POT1: variants seen among roughly 807,000 people sequenced by gnomAD.
POT1 encodes the protein protection of telomeres 1.
Under a neutral mutation model 78.5 loss-of-function variants are expected in POT1, and 47 were observed. The observed-to-expected ratio is 0.60, with a 90% CI of 0.47 to 0.76. The LOEUF (loss-of-function observed/expected upper bound fraction) is 0.76, where lower values mean the gene tolerates loss of function less well. Ranked by LOEUF, POT1 falls within the 30% of genes least tolerant of loss-of-function variation. The pLI, the probability that POT1 is intolerant of heterozygous loss-of-function variation, is 0.00. For missense variants in POT1, 646 were observed against 749.9 expected, an observed-to-expected ratio of 0.86 and a Z score of 1.62; for synonymous variants, 259 against 260.7, an observed-to-expected ratio of 0.99 and a Z score of 0.06.
intron 13 of POT1, among the ~76,000 whole-genome samples, 160 bp from the exon 14 acceptor site, chr7:124,841,338 GAACA>G (rs1232812160): frequency 6.6e-6 from 1 of 151,906 alleles, no homozygotes; most frequent in African/African-American, 2.4e-5. Context: ...TCACTTTGCA[GAACA>G]AATAACTTTT....
intron 3 of POT1, among the ~76,000 whole-genome samples, chr7:124,908,075 G>A (rs1050186815): frequency 7.2e-5 from 11 of 151,856 alleles, no homozygotes; most frequent in Admixed American, 6.6e-4. Flanking sequence ...CAAGAAAAGG[G>A]CATTGAAAAT....
At chr7:124,897,311 A>G in intron 4 of POT1, 99 bp from the exon 5 acceptor site, 2 of 411,206 alleles carry the variant, frequency 4.9e-6, no homozygotes, top group Non-Finnish European at 8.8e-6. Context: ...CTTGTAAAAT[A>G]TTCAAATTCA....
chr7:124,846,727 G>T (rs1438387269), intron 12 of POT1, among the ~76,000 whole-genome samples: 1 of 149,178 alleles, frequency 6.7e-6, no homozygotes, highest in Non-Finnish European at 1.5e-5. Flanking sequence ...AGAGATAGAT[G>T]ACTTAAAATA....
chr7:124,852,748 C>T (rs1333724030), intron 10 of POT1, among the ~76,000 whole-genome samples: 1 of 152,014 alleles, frequency 6.6e-6, no homozygotes, highest in East Asian at 1.9e-4. Flanking sequence ...AGTGTAAAAG[C>T]CAGATTCAAA....
At chr7:124,825,079 T>C (rs1794596984) in intron 18 of POT1, among the ~76,000 whole-genome samples, 173 bp downstream of exon 18, 1 of 152,148 alleles carries the variant, frequency 6.6e-6, no homozygotes, top group Non-Finnish European at 1.5e-5. Flanking sequence ...GATTCATAAC[T>C]ATTTTATCCC....
intron 7 of POT1, among the ~76,000 whole-genome samples, chr7:124,865,611 T>C (rs1176475711): frequency 6.6e-6 from 1 of 151,924 alleles, no homozygotes; most frequent in Non-Finnish European, 1.5e-5. Context: ...TCCACTTCTC[T>C]GATGAAATTT....
intron 3 of POT1, among the ~76,000 whole-genome samples, chr7:124,914,826 T>C (rs759243188): frequency 2.6e-5 from 4 of 152,276 alleles, no homozygotes; most frequent in Non-Finnish European, 5.9e-5. Flanking sequence ...TTTATATCCA[T>C]AGGGGGCTCC....
At chr7:124,929,636 A>G (rs1178035509) in intron 1 of POT1, 158 bp downstream of exon 1, 1 of 152,144 alleles carries the variant, frequency 6.6e-6, no homozygotes, top group African/African-American at 2.4e-5. Context: ...AAACACCAAG[A>G]AAGATGCTGA....
At chr7:124,910,941 CCT>C (rs964103621) in intron 3 of POT1, among the ~76,000 whole-genome samples, 32 of 152,102 alleles carry the variant, frequency 2.1e-4, no homozygotes, top group African/African-American at 6.5e-4. Flanking sequence ...TGTACACACA[CCT>C]CTCTCAGAGC....
chr7:124,825,766 T>C (rs1050795263), intron 17 of POT1, among the ~76,000 whole-genome samples: 1 of 152,228 alleles, frequency 6.6e-6, no homozygotes, highest in Non-Finnish European at 1.5e-5. Context: ...GAAGGAATTT[T>C]GTTTACTTTG....
At chr7:124,862,007 C>T (rs1161409065) in intron 8 of POT1, among the ~76,000 whole-genome samples, 1 of 152,098 alleles carries the variant, frequency 6.6e-6, no homozygotes, top group Non-Finnish European at 1.5e-5. Context: ...GTTACTGTAG[C>T]CTTGTAGTAC....
At chr7:124,891,530 A>G (rs1395014269) in intron 6 of POT1, among the ~76,000 whole-genome samples, 1 of 151,466 alleles carries the variant, frequency 6.6e-6, no homozygotes, top group Non-Finnish European at 1.5e-5. Context: ...GTTATTCATT[A>G]GGAAGGTCTT....
At chr7:124,874,778 CA>C (rs1452746963) in intron 6 of POT1, among the ~76,000 whole-genome samples, 1 of 135,492 alleles carries the variant, frequency 7.4e-6, no homozygotes, top group African/African-American at 2.7e-5. Context: ...GTTAGGAAGA[CA>C]AAGGAGAGAA....
At chr7:124,841,279 T>C (rs534062988) in intron 13 of POT1, 101 bp from the exon 14 acceptor site, 6 of 834,968 alleles carry the variant, frequency 7.2e-6, no homozygotes, top group African/African-American at 6.8e-5. Context: ...TTCTTACATG[T>C]AGATGAGTCA....
At chr7:124,831,819 T>C (rs1794764829) in intron 15 of POT1, among the ~76,000 whole-genome samples, 1 of 151,732 alleles carries the variant, frequency 6.6e-6, no homozygotes, top group Non-Finnish European at 1.5e-5. Context: ...TATATAAATT[T>C]AAAAAATGAA....
intron 12 of POT1, among the ~76,000 whole-genome samples, chr7:124,844,999 T>A (rs765434071): frequency 1.3e-5 from 2 of 152,202 alleles, no homozygotes; most frequent in African/African-American, 4.8e-5. Flanking sequence ...TCTCACCACA[T>A]AAATATTATT....
intron 6 of POT1, among the ~76,000 whole-genome samples, chr7:124,890,965 G>GA (rs1035384110): frequency 9.9e-5 from 15 of 151,772 alleles, no homozygotes; most frequent in African/African-American, 3.4e-4. Context: ...GTGCACTTAA[G>GA]AAAAATGTAT....
Position 124,863,320 on chromosome 7 carries a change from TTATAATTCCCAGTATTAAAAAA to T in POT1, c.546+8_546+29del, listed in dbSNP as rs1312829147. 1 of 1,586,022 alleles carries T rather than the reference TTATAATTCCCAGTATTAAAAAA, an allele frequency of 6.3e-7. No individual in the cohort carries two copies. Among genetic ancestry groups the T allele is most frequent in the Non-Finnish European group, 8.6e-7 (1 of 1,166,042 alleles). On this transcript the variant is annotated splice_region_variant and intron_variant, in intron 8 of 18. Coordinates refer to ENST00000357628, the MANE Select transcript of POT1 (RefSeq NM_015450.3). ...TTACAGACATGTAAGTGGTGCTAAC[TTATAATTCCCAGTATTAAAAAA>T]TATGTACCTTTAGAAGAAATGATGC...
At chr7:124,916,439 T>C (rs1797016549) in intron 2 of POT1, among the ~76,000 whole-genome samples, 2 of 152,086 alleles carry the variant, frequency 1.3e-5, no homozygotes, top group African/African-American at 4.8e-5. Flanking sequence ...AATCTGTAAA[T>C]CTCAGAACCT....
Sources: gnomAD v4.1 joint callset for allele counts (sites outside exome capture counted in the v4.1 genomes callset) on GRCh38, gnomAD v4.1.1 for gene constraint, MANE v1.5 for transcripts, NCBI Gene and HGNC (gene_info 2026-07-23, HGNC 2026-07-21) for gene names.